PRDM16: variants seen among roughly 807,000 people sequenced by gnomAD.
PRDM16 encodes the protein PR/SET domain 16.
PRDM16 carries 23 observed loss-of-function variants against 110.6 expected under a neutral mutation model. That is an observed-to-expected ratio of 0.21 (90% CI 0.15 to 0.29). The LOEUF (loss-of-function observed/expected upper bound fraction) is 0.29. Among genes scored for constraint, PRDM16 ranks in the 10% least tolerant of loss-of-function variants. The pLI is 1.00. For missense variants in PRDM16, 1,615 were observed against 1,794.3 expected (o/e 0.90, Z 1.81); for synonymous variants, 799 against 781.8 (o/e 1.02, Z -0.37).
chr1:3,355,101 CG>C (rs1379324032), intron 3 of PRDM16, among the ~76,000 whole-genome samples: 2 of 152,068 alleles, frequency 1.3e-5, no homozygotes, highest in African/African-American at 4.8e-5. Context: ...CCAGGCCTCT[CG>C]CCTTGAGACC....
At chr1:3,342,699 A>G (rs760299885) in intron 3 of PRDM16, among the ~76,000 whole-genome samples, 1 of 152,192 alleles carries the variant, frequency 6.6e-6, no homozygotes, top group Non-Finnish European at 1.5e-5. Context: ...CCTTGGATTC[A>G]TTTTACCTGT....
intron 1 of PRDM16, 103 bp from the exon 2 acceptor site, chr1:3,186,022 C>T: frequency 2.0e-6 from 2 of 985,884 alleles, no homozygotes; most frequent in Non-Finnish European, 3.2e-6. Flanking sequence ...GGCCCCTGAG[C>T]ACCCTCGGTG....
At position 3,081,388 on chromosome 1, in the gene PRDM16, G is replaced by A. The variant is rs997321839; in HGVS notation, c.37+12092G>A. The stretch of plus-strand genomic sequence containing the variant: ...AACGAGGGGCTGGTGGCCACGGTGG[G>A]CGTGAGAGGCCCATTCCTGCAGCCT... On this transcript the variant is annotated intron_variant, in intron 1 of 16. Transcript: ENST00000270722. This position sits in a 1 kb window ranked among gnomAD's most constrained non-coding sequence, Gnocchi z 4.6. Among the ~76,000 whole-genome samples the A allele has an allele frequency of 9.9e-5, 15 of 152,174 alleles. No individual in the cohort carries two copies. Among genetic ancestry groups the A allele is most frequent in the Non-Finnish European group, 2.1e-4 (14 of 68,014 alleles).
At chr1:3,361,503 G>A (rs1642713224) in intron 3 of PRDM16, among the ~76,000 whole-genome samples, 1 of 152,262 alleles carries the variant, frequency 6.6e-6, no homozygotes, top group African/African-American at 2.4e-5. Flanking sequence ...AAGGGTATCT[G>A]TGGAACGTGG....
chr1:3,295,704 G>A (rs915929988), intron 3 of PRDM16, among the ~76,000 whole-genome samples: 2 of 152,194 alleles, frequency 1.3e-5, no homozygotes, highest in Non-Finnish European at 2.9e-5. Context: ...TAGTCTGGGG[G>A]AAGCTCCGTT....
At chr1:3,091,807 G>T (rs577839615) in intron 1 of PRDM16, among the ~76,000 whole-genome samples, 83 of 152,306 alleles carry the variant, frequency 5.4e-4, no homozygotes, top group Admixed American at 1.0e-3. Flanking sequence ...CTGATGGAGG[G>T]GCCCCCACTT....
At chr1:3,091,894 G>T (rs1297121362) in intron 1 of PRDM16, among the ~76,000 whole-genome samples, 1 of 152,318 alleles carries the variant, frequency 6.6e-6, no homozygotes. Context: ...TGGACAGTTC[G>T]CAGGTGGTCA....
At chr1:3,100,306 TA>T (rs1484290641) in intron 1 of PRDM16, among the ~76,000 whole-genome samples, 1 of 152,186 alleles carries the variant, frequency 6.6e-6, no homozygotes, top group Non-Finnish European at 1.5e-5. Flanking sequence ...TCGCTCTTCA[TA>T]AAACGCAGAG....
chr1:3,202,496 G>A (rs1638653456), intron 2 of PRDM16, among the ~76,000 whole-genome samples: 1 of 152,196 alleles, frequency 6.6e-6, no homozygotes, highest in Admixed American at 6.5e-5. Context: ...AGAATCCTAG[G>A]AGAGCAGACA....
chr1:3,196,062 G>T (rs146602128), intron 2 of PRDM16, among the ~76,000 whole-genome samples: 1 of 152,210 alleles, frequency 6.6e-6, no homozygotes, highest in African/African-American at 2.4e-5. Flanking sequence ...GTCCATGCAG[G>T]GGCCCAGAGG....
At chr1:3,321,315 T>C (rs1310943260) in intron 3 of PRDM16, among the ~76,000 whole-genome samples, 2 of 152,106 alleles carry the variant, frequency 1.3e-5, no homozygotes, top group African/African-American at 4.8e-5. Context: ...TGTCCATTTG[T>C]GTGTGGGTCC....
chr1:3,268,114 G>A (rs1640339508), intron 3 of PRDM16, among the ~76,000 whole-genome samples: 1 of 152,210 alleles, frequency 6.6e-6, no homozygotes, highest in Admixed American at 6.5e-5. Flanking sequence ...ACACGTGGGA[G>A]CGTACGGTGA....
At chr1:3,102,348 C>CAT (rs540976811) in intron 1 of PRDM16, among the ~76,000 whole-genome samples, 1 of 152,314 alleles carries the variant, frequency 6.6e-6, no homozygotes, top group South Asian at 2.1e-4. Context: ...CAGACTCCTA[C>CAT]AGCAGTCTTC....
chr1:3,247,303 AGGT>A (rs1016350324), intron 3 of PRDM16, among the ~76,000 whole-genome samples: 3 of 152,228 alleles, frequency 2.0e-5, no homozygotes, highest in Non-Finnish European at 4.4e-5. Context: ...GCTGCAGAAA[AGGT>A]GGTATTTTGT....
intron 4 of PRDM16, among the ~76,000 whole-genome samples, chr1:3,391,761 C>T (rs1473512294): frequency 6.6e-6 from 1 of 152,258 alleles, no homozygotes; most frequent in African/African-American, 2.4e-5. Flanking sequence ...GTCTGGGAGC[C>T]TGACTGTGGT....
At chr1:3,356,043 A>G (rs961368648) in intron 3 of PRDM16, among the ~76,000 whole-genome samples, 1 of 152,116 alleles carries the variant, frequency 6.6e-6, no homozygotes, top group Non-Finnish European at 1.5e-5. Context: ...CAGGTGATGG[A>G]CTTTGAACCC....
chr1:3,105,268 GGCCCA>G (rs1251761096), intron 1 of PRDM16, among the ~76,000 whole-genome samples: 1 of 152,126 alleles, frequency 6.6e-6, no homozygotes, highest in African/African-American at 2.4e-5. Flanking sequence ...CAAACTTGAG[GGCCCA>G]GCCCGGCCTG....
chr1:3,196,424 C>T (rs1052721524), intron 2 of PRDM16, among the ~76,000 whole-genome samples: 8 of 152,258 alleles, frequency 5.3e-5, no homozygotes, highest in African/African-American at 1.9e-4. Flanking sequence ...TCAGAAGCTG[C>T]TGTCCCCTTG....
chr1:3,106,972 C>G (rs1642673375), intron 1 of PRDM16, among the ~76,000 whole-genome samples: 1 of 152,250 alleles, frequency 6.6e-6, no homozygotes, highest in African/African-American at 2.4e-5. Flanking sequence ...CAGCCTTTCT[C>G]TCCCCTGCCC....
Sources: gnomAD v4.1 joint callset for allele counts (sites outside exome capture counted in the v4.1 genomes callset) on GRCh38, gnomAD v4.1.1 for gene constraint, Gnocchi (gnomAD v3.1) non-coding constraint, MANE v1.5 for transcripts, NCBI Gene and HGNC (gene_info 2026-07-23, HGNC 2026-07-21) for gene names.